CDH4: variants seen among roughly 807,000 people sequenced by gnomAD.
CDH4 encodes the protein cadherin 4, also known as cadherin-4.
Under a neutral mutation model 86.0 loss-of-function variants are expected in CDH4, and 33 were observed. The observed-to-expected ratio is 0.38, with a 90% confidence interval of 0.29 to 0.51. CDH4 has a LOEUF of 0.51. Ranked by LOEUF, CDH4 falls within the 20% of genes least tolerant of loss-of-function variation. The probability of loss-of-function intolerance (pLI) is 0.86; values close to 1 mark genes in which losing one functional copy is unlikely to be tolerated. For missense variants in CDH4, 1,114 were observed against 1,307.4 expected (o/e 0.85, Z 2.28); for synonymous variants, 555 against 549.4 (o/e 1.01, Z -0.14).
rs146834967 is a variant in CDH4, at chr20:61,751,033, A to G, written c.396+7244A>G. ...TATGTTAGAATATTGATTCTACCCA[A>G]AGTTGCCATAGAGTCAACACAACCT... On this transcript the variant is annotated intron_variant, in intron 3 of 15. Coordinates refer to ENST00000614565, the MANE Select transcript of CDH4 (RefSeq NM_001794.5). Among the ~76,000 whole-genome samples the G allele has an allele frequency of 3.8e-3, 576 of 152,360 alleles. 1 individual carries two copies. Among genetic ancestry groups the G allele is most frequent in the African/African-American group, 0.013 (540 of 41,588 alleles).
intron 2 of CDH4, among the ~76,000 whole-genome samples, chr20:61,424,182 A>G (rs1433476689): frequency 2.0e-5 from 3 of 151,152 alleles, no homozygotes; most frequent in Admixed American, 6.6e-5. Context: ...ATCCACACAT[A>G]GCACACATGT....
At chr20:61,730,039 G>A (rs997553182) in intron 2 of CDH4, among the ~76,000 whole-genome samples, 1 of 152,162 alleles carries the variant, frequency 6.6e-6, no homozygotes, top group Admixed American at 6.5e-5. Flanking sequence ...AAATGGAGCA[G>A]GAAGTCACCC....
chr20:61,481,150 C>T (rs2085565958), intron 2 of CDH4, among the ~76,000 whole-genome samples: 1 of 152,196 alleles, frequency 6.6e-6, no homozygotes, highest in African/African-American at 2.4e-5. Flanking sequence ...ACATCTTGTT[C>T]TCAACTGCAG....
intron 3 of CDH4, among the ~76,000 whole-genome samples, chr20:61,766,159 C>T (rs1175813009): frequency 6.6e-6 from 1 of 152,016 alleles, no homozygotes; most frequent in Admixed American, 6.5e-5. Context: ...GGTGCCCTCA[C>T]CAGAGCAGTC....
intron 2 of CDH4, among the ~76,000 whole-genome samples, chr20:61,511,591 A>G (rs896482411): frequency 6.6e-6 from 1 of 152,254 alleles, no homozygotes; most frequent in African/African-American, 2.4e-5. Context: ...GTCTACTTAT[A>G]GCATTTTACA....
Position 61,663,061 on chromosome 20 carries a change from T to C in CDH4, c.170-80502T>C, listed in dbSNP as rs959426938. ...CCCTGACTCACCTCCCCCTCCACCA[T>C]GGTATTGATGACAATGCTGCCCAGC... On this transcript the variant is annotated intron_variant, in intron 2 of 15. Transcript: ENST00000614565. The surrounding 1 kb of genome is among the most constrained non-coding windows in gnomAD (Gnocchi z 5.0). Among the ~76,000 whole-genome samples, 17 of 152,090 alleles carry C rather than the reference T, an allele frequency of 1.1e-4. No homozygotes were observed. The highest frequency in any genetic ancestry group is 4.1e-4 in the African/African-American group (17 of 41,436).
At chr20:61,668,459 G>A (rs570740832) in intron 2 of CDH4, among the ~76,000 whole-genome samples, 2 of 152,332 alleles carry the variant, frequency 1.3e-5, no homozygotes, top group African/African-American at 4.8e-5. Context: ...GTGCCCTGTG[G>A]AACCAGCTGC....
In CDH4 at chr20:61,811,662, G is replaced by T. The variant is rs923035071; in HGVS notation, c.577-33006G>T. Among the ~76,000 whole-genome samples the T allele has an allele frequency of 1.2e-4, 17 of 147,040 alleles. No homozygotes were observed. The highest frequency in any genetic ancestry group is 3.4e-3 in the Middle Eastern group (1 of 290). On this transcript the variant is annotated intron_variant, in intron 4 of 15. Transcript: ENST00000614565. The surrounding 1 kb of genome is among the most constrained non-coding windows in gnomAD (Gnocchi z 4.4). ...TCACGCCCCTGCCACCCGGGGTCAC[G>T]CCCCTGGCTGCCTACTGAGCTTTTT...
At chr20:61,606,036 C>T (rs1308607069) in intron 2 of CDH4, among the ~76,000 whole-genome samples, 3 of 152,264 alleles carry the variant, frequency 2.0e-5, no homozygotes, top group African/African-American at 4.8e-5. Context: ...AATGGCATCC[C>T]GCTGACTCTG....
At chr20:61,767,504 G>A (rs997528435) in intron 3 of CDH4, among the ~76,000 whole-genome samples, 5 of 152,182 alleles carry the variant, frequency 3.3e-5, no homozygotes, top group African/African-American at 1.2e-4. Flanking sequence ...AGGATGAGGC[G>A]CCCAGGCAGA....
intron 2 of CDH4, among the ~76,000 whole-genome samples, chr20:61,554,856 TCG>T (rs1328728008): frequency 6.6e-6 from 1 of 150,890 alleles, no homozygotes; most frequent in Non-Finnish European, 1.5e-5. Context: ...ATGCGTGAGT[TCG>T]CATGTTTGTG....
chr20:61,699,933 T>C (rs966700042), intron 2 of CDH4, among the ~76,000 whole-genome samples: 3 of 152,280 alleles, frequency 2.0e-5, no homozygotes, highest in Non-Finnish European at 4.4e-5. Flanking sequence ...GTTTCCACTG[T>C]TGGGGGGCCC....
chr20:61,697,289 A>T (rs1370515428), intron 2 of CDH4, among the ~76,000 whole-genome samples: 2 of 152,158 alleles, frequency 1.3e-5, no homozygotes, highest in Non-Finnish European at 2.9e-5. Context: ...TAGGAAAAGA[A>T]CATCAGATGG....
chr20:61,358,587 CTAAAATCCAGTCCCTTG>C (rs2084766428), intron 2 of CDH4, among the ~76,000 whole-genome samples: 1 of 152,186 alleles, frequency 6.6e-6, no homozygotes, highest in African/African-American at 2.4e-5. Flanking sequence ...TTAGTAAAAC[CTAAAATCCAGTCCCTTG>C]TAAAGAGATA....
At chr20:61,655,912 C>T (rs1214077630) in intron 2 of CDH4, among the ~76,000 whole-genome samples, 2 of 152,186 alleles carry the variant, frequency 1.3e-5, no homozygotes, top group Non-Finnish European at 2.9e-5. Flanking sequence ...GCTGCATGTG[C>T]CTGGAGAGGA....
chr20:61,347,915 G>A (rs2084689186), intron 2 of CDH4, among the ~76,000 whole-genome samples: 1 of 151,550 alleles, frequency 6.6e-6, no homozygotes, highest in African/African-American at 2.4e-5. Flanking sequence ...ATAGTCAGAG[G>A]GAATAACAAG....
intron 4 of CDH4, among the ~76,000 whole-genome samples, chr20:61,840,548 C>G (rs1392620210): frequency 6.6e-6 from 1 of 152,248 alleles, no homozygotes; most frequent in Non-Finnish European, 1.5e-5. Flanking sequence ...ATGTAGACAT[C>G]ACTTTAAACT....
intron 2 of CDH4, among the ~76,000 whole-genome samples, chr20:61,548,480 C>G (rs1406503976): frequency 6.6e-6 from 1 of 152,102 alleles, no homozygotes; most frequent in African/African-American, 2.4e-5. Context: ...TCCCCGCCCC[C>G]CCATTACAGC....
At chr20:61,394,143 G>A (rs1176067269) in intron 2 of CDH4, among the ~76,000 whole-genome samples, 2 of 152,156 alleles carry the variant, frequency 1.3e-5, no homozygotes, top group African/African-American at 4.8e-5. Flanking sequence ...TCGTGTCTCA[G>A]GTTCAGCCAG....
Sources: gnomAD v4.1 joint callset for allele counts (sites outside exome capture counted in the v4.1 genomes callset) on GRCh38, gnomAD v4.1.1 for gene constraint, Gnocchi (gnomAD v3.1) non-coding constraint, MANE v1.5 for transcripts, NCBI Gene and HGNC (gene_info 2026-07-23, HGNC 2026-07-21) for gene names.